SASS6: variants seen among roughly 807,000 people sequenced by gnomAD.
The protein encoded by SASS6 is spindle assembly abnormal protein 6 homolog.
SASS6 carries 59 observed loss-of-function variants against 94.9 expected under a neutral mutation model. The ratio of observed to expected loss-of-function variants is 0.62; its 90% CI spans 0.50 to 0.77. SASS6 has a LOEUF of 0.77. SASS6 is among the 30% of genes least tolerant of loss of function. The probability of loss-of-function intolerance (pLI) is 0.00; values close to 1 mark genes in which losing one functional copy is unlikely to be tolerated. For missense variants in SASS6, 698 were observed against 734.1 expected (o/e 0.95, Z 0.57); for synonymous variants, 264 against 270.0 (o/e 0.98, Z 0.22).
chr1:100,112,750 G>A (rs1321519589), intron 7 of SASS6, among the ~76,000 whole-genome samples: 5 of 152,134 alleles, frequency 3.3e-5, no homozygotes, highest in African/African-American at 1.2e-4. Flanking sequence ...GCACACTATG[G>A]CAGTGGTTAT....
rs766670451 is a variant in SASS6 at position 100,105,808 on chromosome 1, T to A, written c.1504A>T (p.Ser502Cys). 17 of 1,613,408 alleles carry A rather than the reference T, an allele frequency of 1.1e-5. No homozygotes were observed. Among genetic ancestry groups the A allele is most frequent in the Non-Finnish European group, 1.4e-5 (16 of 1,179,708 alleles). Residue 502 changes from serine to cysteine, a missense_variant, in exon 13 of 17, where the codon AGC becomes TGC. Coordinates refer to ENST00000287482, the MANE Select transcript of SASS6 (RefSeq NM_194292.3). The stretch of plus-strand genomic sequence containing the variant: ...GAAATTCCACTTCTGATTGTGTTGC[T>A]GCTGGAATGTGCAGGCGGAGTAGTA... ...PSTTPPAHSS[S>C]NTIRSGISPN...
At chr1:100,121,234 A>G (rs1654172802) in intron 5 of SASS6, 144 bp downstream of exon 5, 5 of 546,322 alleles carry the variant, frequency 9.2e-6, no homozygotes, top group Non-Finnish European at 1.3e-5. Context: ...CCTTGACTAA[A>G]TAAGAAACAG....
At chr1:100,104,084 GA>G (rs1652700706) in intron 13 of SASS6, among the ~76,000 whole-genome samples, 1 of 152,178 alleles carries the variant, frequency 6.6e-6, no homozygotes, top group South Asian at 2.1e-4. Context: ...GGGAAATGGG[GA>G]TAAATGTATG....
intron 2 of SASS6, 35 bp downstream of exon 2, chr1:100,125,847 C>T (rs375938417): frequency 1.7e-5 from 18 of 1,039,990 alleles, no homozygotes; most frequent in South Asian, 2.7e-5. Flanking sequence ...TACAATGTAC[C>T]GAAATGATAT....
intron 1 of SASS6, among the ~76,000 whole-genome samples, chr1:100,131,741 C>T (rs1467567743): frequency 6.6e-6 from 1 of 152,210 alleles, no homozygotes; most frequent in Non-Finnish European, 1.5e-5. Flanking sequence ...ATATATACTA[C>T]AGTTTGACAT....
At chr1:100,109,961 T>G (rs543560557) in intron 8 of SASS6, among the ~76,000 whole-genome samples, 2 of 151,996 alleles carry the variant, frequency 1.3e-5, no homozygotes, top group African/African-American at 4.8e-5. Flanking sequence ...TTAAGCAGGT[T>G]GAGGAAAAAA....
chr1:100,092,253 C>T (rs1651761577), intron 14 of SASS6, among the ~76,000 whole-genome samples: 1 of 151,946 alleles, frequency 6.6e-6, no homozygotes, highest in Non-Finnish European at 1.5e-5. Flanking sequence ...GCTAATTTCT[C>T]ATTGGAAATC....
At chr1:100,122,257 C>A in intron 4 of SASS6, 123 bp downstream of exon 4, 1 of 485,208 alleles carries the variant, frequency 2.1e-6, no homozygotes, top group Non-Finnish European at 3.6e-6. Flanking sequence ...AGGCCTAACC[C>A]CAGTTCTAAA....
intron 14 of SASS6, among the ~76,000 whole-genome samples, chr1:100,094,025 T>C (rs558444842): frequency 9.9e-5 from 15 of 152,192 alleles, no homozygotes; most frequent in African/African-American, 3.6e-4. Flanking sequence ...AATGAAACCA[T>C]AAGCCGGTTC....
At chr1:100,090,845 A>G (rs771246009) in intron 14 of SASS6, among the ~76,000 whole-genome samples, 1 of 152,178 alleles carries the variant, frequency 6.6e-6, no homozygotes, top group Non-Finnish European at 1.5e-5. Context: ...GAAATCCTAT[A>G]AAGTGGTATA....
Position 100,105,792 on chromosome 1 carries a change from C to G in SASS6, c.1520G>C (p.Ser507Thr). Reference protein sequence around the residue: ...PAHSSSNTIRSGISPNLNVVD... With the variant: ...PAHSSSNTIRTGISPNLNVVD... ...CACATTCAGGTTAGGAGAAATTCCA[C>G]TTCTGATTGTGTTGCTGCTGGAATG... The change falls in exon 13 of 17, where the codon AGT (serine) becomes ACT (threonine). Residue 507 changes from serine to threonine, a missense_variant. Transcript: ENST00000287482. The G allele has an allele frequency of 6.2e-7, 1 of 1,613,040 alleles. No individual in the cohort carries two copies. Among genetic ancestry groups the G allele is most frequent in the Non-Finnish European group, 8.5e-7 (1 of 1,179,532 alleles).
intron 13 of SASS6, among the ~76,000 whole-genome samples, chr1:100,104,033 A>G (rs1048450647): frequency 6.6e-6 from 1 of 152,200 alleles, no homozygotes; most frequent in African/African-American, 2.4e-5. Flanking sequence ...GTGATTTAAG[A>G]AAAAGTTTAA....
At chr1:100,086,759 C>T (rs888851813) in intron 15 of SASS6, among the ~76,000 whole-genome samples, 2 of 151,900 alleles carry the variant, frequency 1.3e-5, no homozygotes, top group African/African-American at 2.4e-5. Flanking sequence ...TGGCTCACTG[C>T]AGTCTTGACC....
rs1006738020 is a variant in SASS6, at chr1:100,105,750, C to A, written c.1545+17G>T. The A allele has an allele frequency of 3.1e-6, 5 of 1,604,968 alleles. No homozygotes were observed. The highest frequency in any genetic ancestry group is 3.4e-6 in the Non-Finnish European group (4 of 1,176,176). Reference sequence around the variant, plus strand: ...GGAAATTCACTAAGATCACTCACATCTTGTTTTAAATCTTACCACATTCAG... The same window carrying A: ...GGAAATTCACTAAGATCACTCACATATTGTTTTAAATCTTACCACATTCAG... On this transcript the variant is annotated intron_variant, in intron 13 of 16. Coordinates refer to ENST00000287482, the MANE Select transcript of SASS6 (RefSeq NM_194292.3).
intron 9 of SASS6, 40 bp from the exon 10 acceptor site, chr1:100,107,757 G>C (rs1217159871): frequency 6.5e-7 from 1 of 1,544,042 alleles, no homozygotes; most frequent in East Asian, 2.2e-5. Context: ...TAGGGCATTT[G>C]TGTTTACTTA....
intron 1 of SASS6, among the ~76,000 whole-genome samples, chr1:100,127,017 C>T (rs1654668048): frequency 6.6e-6 from 1 of 152,128 alleles, no homozygotes; most frequent in Admixed American, 6.6e-5. Context: ...GAGGGAGAGA[C>T]CACAGTGTTC....
chr1:100,131,045 A>T (rs1654966333), intron 1 of SASS6, among the ~76,000 whole-genome samples: 1 of 152,244 alleles, frequency 6.6e-6, no homozygotes, highest in African/African-American at 2.4e-5. Flanking sequence ...ATGTAACCAG[A>T]AAGAGACCAT....
chr1:100,132,849 C>T lies in SASS6; in HGVS notation c.-35G>A, dbSNP rs201799796. 6.3e-6 allele frequency: 10 copies of T among 1,593,264 alleles called. No individual in the cohort carries two copies. In the Admixed American group the frequency reaches 1.5e-4, roughly 24 times the overall value. On this transcript the variant is annotated 5_prime_UTR_variant, in exon 1 of 17. Transcript: ENST00000287482. The stretch of plus-strand genomic sequence containing the variant: ...CTGCCTCGGCTGGTGTGCAGAAAAG[C>T]CCAACAGGCCCGGCCCTCGGGATTA...
chr1:100,103,823 A>G (rs1223971152), intron 13 of SASS6, among the ~76,000 whole-genome samples: 3 of 152,196 alleles, frequency 2.0e-5, no homozygotes, highest in African/African-American at 4.8e-5. Context: ...AGATTAGGTT[A>G]AAAATTCAAT....
Sources: gnomAD v4.1 joint callset for allele counts (sites outside exome capture counted in the v4.1 genomes callset) on GRCh38, gnomAD v4.1.1 for gene constraint, MANE v1.5 for transcripts, NCBI Gene and HGNC (gene_info 2026-07-23, HGNC 2026-07-21) for gene names.